PHACTR2: variants seen among roughly 807,000 people sequenced by gnomAD.
PHACTR2 encodes the protein chromosome 6 open reading frame 56.
In PHACTR2, 30 loss-of-function variants were observed where a neutral mutation model predicts 76.0. That is an observed-to-expected ratio of 0.39 (90% CI 0.30 to 0.54). The LOEUF (loss-of-function observed/expected upper bound fraction) is 0.54. Ranked by LOEUF, PHACTR2 falls within the 20% of genes least tolerant of loss-of-function variation. PHACTR2 has a pLI of 0.61. For synonymous variants in PHACTR2, 292 were observed against 292.5 expected (o/e 1.00, Z 0.02); for missense variants, 696 against 781.1 (o/e 0.89, Z 1.30).
intron 1 of PHACTR2, among the ~76,000 whole-genome samples, chr6:143,620,445 G>GA (rs10709298): frequency 8.2e-5 from 12 of 146,100 alleles, no homozygotes; most frequent in East Asian, 3.9e-4. Context: ...TTTTTTTTTG[G>GA]AAAAAAAAAA....
chr6:143,734,505 G>A (rs1778775541), intron 2 of PHACTR2, among the ~76,000 whole-genome samples: 1 of 152,172 alleles, frequency 6.6e-6, no homozygotes, highest in African/African-American at 2.4e-5. Context: ...GATAAGCAAG[G>A]CATTTTCACT....
At chr6:143,642,002 A>T (rs561018049) in intron 1 of PHACTR2, among the ~76,000 whole-genome samples, 1 of 152,176 alleles carries the variant, frequency 6.6e-6, no homozygotes, top group Non-Finnish European at 1.5e-5. Flanking sequence ...AGCTACATAG[A>T]GGTGAATTAT....
chr6:143,681,577 T>C (rs1777389405), intron 1 of PHACTR2, among the ~76,000 whole-genome samples: 1 of 152,152 alleles, frequency 6.6e-6, no homozygotes, highest in African/African-American at 2.4e-5. Context: ...CAGCTCAGAA[T>C]TTTAAAGTTT....
At chr6:143,727,539 C>A (rs1778601167) in intron 2 of PHACTR2, among the ~76,000 whole-genome samples, 1 of 152,168 alleles carries the variant, frequency 6.6e-6, no homozygotes, top group African/African-American at 2.4e-5. Context: ...AACCTCCATA[C>A]TGTTTTCTGT....
At position 143,537,209 on chromosome 6, in the gene PHACTR2, TA is replaced by T; in HGVS notation, c.217+4del. The T allele has an allele frequency of 3.9e-6, 1 of 255,952 alleles. No individual in the cohort carries two copies. The allele number at this position is 255,952 out of a possible 1,614,324, so 15.9% of individuals were successfully genotyped here. A position where few individuals can be genotyped will look rare whatever the true frequency, so the allele number is the denominator to read the frequency against. ...TCCGGGTCCACATCTCCGGCTCAGGTAAGAGCGGCTCGGGGCGCGGGCCGGG... is the reference window on the plus strand; with the variant it reads ...TCCGGGTCCACATCTCCGGCTCAGGTAGAGCGGCTCGGGGCGCGGGCCGGG... On this transcript the variant is annotated splice_donor_region_variant and intron_variant, in intron 1 of 11. Transcript: ENST00000367584. The surrounding 1 kb of genome is among the most constrained non-coding windows in gnomAD (Gnocchi z 4.4).
Position 143,619,680 on chromosome 6 carries a change from CT to C in PHACTR2, c.13+11361del, listed in dbSNP as rs1776118270. 6.6e-6 allele frequency among the ~76,000 whole-genome samples: 1 copy of C among 152,198 alleles called. No individual in the cohort carries two copies. Among genetic ancestry groups the C allele is most frequent in the African/African-American group, 2.4e-5 (1 of 41,434 alleles). On this transcript the variant is annotated intron_variant, in intron 1 of 11. Transcript: ENST00000305766. The surrounding 1 kb of genome is among the most constrained non-coding windows in gnomAD (Gnocchi z 4.5). ...GCTTAAAACTGTACACCCAACTTGT[CT>C]TTAATTTACCACCTGCTGCATGCCT...
At position 143,733,318 on chromosome 6, in the gene PHACTR2, C is replaced by A. The variant is rs1778747021; in HGVS notation, c.215-15667C>A. ...CCCACTTCCTAGTAGATTATAAATT[C>A]CATGAGAACAGGGATTTTTGTTTTC... On this transcript the variant is annotated intron_variant, in intron 2 of 12. Transcript: ENST00000440869. The surrounding 1 kb of genome is among the most constrained non-coding windows in gnomAD (Gnocchi z 4.0). Among the ~76,000 whole-genome samples, 2 of 152,104 alleles carry A rather than the reference C, an allele frequency of 1.3e-5. No homozygotes were observed. Among genetic ancestry groups the A allele is most frequent in the Non-Finnish European group, 1.5e-5 (1 of 68,028 alleles).
rs1034665505 is a variant in PHACTR2 at position 143,829,856 on chromosome 6, A to G, written c.*6167A>G. The G allele has an allele frequency of 6.6e-6, 1 of 152,176 alleles. No individual in the cohort carries two copies. 9.4% of individuals were successfully genotyped at this position (152,176 alleles called of 1,614,324 possible). On this transcript the variant is annotated 3_prime_UTR_variant, in exon 13 of 13. Transcript: ENST00000440869. The stretch of plus-strand genomic sequence containing the variant: ...GGTGCTTAAGAATTCTTATCTTTTT[A>G]AATAGCAGTATTTTTTTTTTAAGAA...
chr6:143,811,693 A>G lies in PHACTR2; in HGVS notation c.1922+4560A>G, dbSNP rs1389761270. Among the ~76,000 whole-genome samples the G allele has an allele frequency of 6.6e-6, 1 of 152,216 alleles. No individual in the cohort carries two copies. Among genetic ancestry groups the G allele is most frequent in the Non-Finnish European group, 1.5e-5 (1 of 68,046 alleles). ...GTTACTGCTATTTTTCCATTAACTT[A>G]TGACATCATTCGAGATATATTCCAG... On this transcript the variant is annotated intron_variant, in intron 12 of 12. Transcript: ENST00000440869. This position sits in a 1 kb window ranked among gnomAD's most constrained non-coding sequence, Gnocchi z 4.1.
chr6:143,607,979 A>G (rs567299134), upstream of PHACTR2, among the ~76,000 whole-genome samples: 8 of 152,256 alleles, frequency 5.3e-5, no homozygotes, highest in African/African-American at 1.7e-4. Flanking sequence ...TAGCATGTGC[A>G]CTTTTTTTCC....
In PHACTR2 at chr6:143,830,826, C is replaced by A. The variant is rs1776652233; in HGVS notation, c.*7137C>A. On this transcript the variant is annotated 3_prime_UTR_variant, in exon 13 of 13. Coordinates refer to ENST00000440869, the MANE Select transcript of PHACTR2 (RefSeq NM_001100164.2). ...ACCTCAATAAAATCATTGGGAAATC[C>A]CCAGTTTTAGTTTGTTCCAGTTTCT... The A allele has an allele frequency of 6.6e-6, 1 of 151,962 alleles. No homozygotes were observed. The highest frequency in any genetic ancestry group is 1.5e-5 in the Non-Finnish European group (1 of 67,968). The allele number at this position is 151,962 out of a possible 1,614,324, so 9.4% of individuals were successfully genotyped here.
At chr6:143,713,350 A>G (rs76074067) in intron 2 of PHACTR2, among the ~76,000 whole-genome samples, 75 of 152,362 alleles carry the variant, frequency 4.9e-4, no homozygotes, top group Non-Finnish European at 7.9e-4. Flanking sequence ...GTAAGATTAT[A>G]GATAAAGGAA....
intron 2 of PHACTR2, among the ~76,000 whole-genome samples, chr6:143,718,859 T>C (rs1246094618): frequency 2.0e-5 from 3 of 151,758 alleles, no homozygotes; most frequent in Non-Finnish European, 4.4e-5. Context: ...CACTAAGAAG[T>C]TGGAAAGTTG....
Position 143,578,077 on chromosome 6 carries a change from C to T in PHACTR2, c.217+40870C>T, listed in dbSNP as rs992727526. ...AGTCAACTTGCTTACTAGGCCCCTC[C>T]CTTTCCCTCTCATGGATTAAATCAG... On this transcript the variant is annotated intron_variant, in intron 1 of 11. Transcript: ENST00000367584. The surrounding 1 kb of genome is among the most constrained non-coding windows in gnomAD (Gnocchi z 4.5). 2.0e-5 allele frequency among the ~76,000 whole-genome samples: 3 copies of T among 152,176 alleles called. No individual in the cohort carries two copies. Among genetic ancestry groups the T allele is most frequent in the African/African-American group, 7.2e-5 (3 of 41,436 alleles).
Position 143,787,231 on chromosome 6 carries a change from G to A in PHACTR2, c.1708-1542G>A, listed in dbSNP as rs1329005882. ...ACCCCATGACTGGGACAGTCCTGAG[G>A]ACAAGACTGGATGGAGAATTTCTAA... On this transcript the variant is annotated intron_variant, in intron 10 of 12. Transcript: ENST00000440869. This position sits in a 1 kb window ranked among gnomAD's most constrained non-coding sequence, Gnocchi z 4.6. Among the ~76,000 whole-genome samples, 1 of 152,232 alleles carries A rather than the reference G, an allele frequency of 6.6e-6. No individual in the cohort carries two copies. Among genetic ancestry groups the A allele is most frequent in the Admixed American group, 6.5e-5 (1 of 15,278 alleles).
At chr6:143,551,795 T>C (rs1048981784) in intron 1 of PHACTR2, among the ~76,000 whole-genome samples, 12 of 152,280 alleles carry the variant, frequency 7.9e-5, no homozygotes, top group Middle Eastern at 3.4e-3. Flanking sequence ...ATAATACCCA[T>C]TGAAAATGCC....
chr6:143,804,881 A>G (rs1776031336), intron 11 of PHACTR2, among the ~76,000 whole-genome samples: 1 of 152,228 alleles, frequency 6.6e-6, no homozygotes, highest in Non-Finnish European at 1.5e-5. Context: ...TTGTTTTTCA[A>G]GAGGCTCATA....
At chr6:143,673,965 T>C (rs1305844999), upstream of PHACTR2, among the ~76,000 whole-genome samples, 1 of 152,186 alleles carries the variant, frequency 6.6e-6, no homozygotes, top group Non-Finnish European at 1.5e-5. Flanking sequence ...TGTTTCCTGT[T>C]CTAATACTTG....
intron 1 of PHACTR2, among the ~76,000 whole-genome samples, chr6:143,579,409 T>C (rs2128432875): frequency 6.6e-6 from 1 of 152,192 alleles, no homozygotes; most frequent in East Asian, 1.9e-4. Flanking sequence ...GATGAGTCTT[T>C]AGTAGAAAAC....
Sources: allele counts gnomAD v4.1 joint callset (sites outside exome capture counted in the v4.1 genomes callset), GRCh38; gene constraint gnomAD v4.1.1; non-coding constraint Gnocchi (gnomAD v3.1); transcripts MANE v1.5; gene names NCBI Gene and HGNC (gene_info 2026-07-23, HGNC 2026-07-21).